Variants in ALPK2 observed in about 807,000 individuals in gnomAD.
The protein encoded by ALPK2 is alpha kinase 2.
ALPK2 carries 127 observed loss-of-function variants against 163.1 expected under a neutral mutation model. The observed-to-expected ratio is 0.78, with a 90% confidence interval of 0.67 to 0.90. The LOEUF is 0.90. Among genes scored for constraint, ALPK2 ranks in the 40% least tolerant of loss-of-function variants. The probability of loss-of-function intolerance (pLI) is 0.00; values close to 1 mark genes in which losing one functional copy is unlikely to be tolerated. For synonymous variants in ALPK2, 953 were observed against 959.1 expected, an observed-to-expected ratio of 0.99 and a Z score of 0.12; for missense variants, 2,360 against 2,589.6, an observed-to-expected ratio of 0.91 and a Z score of 1.92.
Position 58,560,653 on chromosome 18 carries a change from A to G in ALPK2, c.1962+18161T>C, listed in dbSNP as rs112773509. Among the ~76,000 whole-genome samples the G allele has an allele frequency of 5.5e-3, 845 of 152,352 alleles. 10 individuals are homozygous for G. The highest frequency in any genetic ancestry group is 0.018 in the African/African-American group (768 of 41,584). ...AGTCCCTTTTGCCATAATTCACTTC[A>G]GTAACATATTCACAGGTTCTGAGAA... On this transcript the variant is annotated intron_variant, in intron 4 of 12. Coordinates refer to ENST00000361673, the MANE Select transcript of ALPK2 (RefSeq NM_052947.4).
intron 4 of ALPK2, among the ~76,000 whole-genome samples, chr18:58,554,357 A>C (rs980253957): frequency 6.6e-6 from 1 of 152,196 alleles, no homozygotes; most frequent in Non-Finnish European, 1.5e-5. Flanking sequence ...CTCTGACTGC[A>C]GGGGTTTGGA....
intron 1 of ALPK2, among the ~76,000 whole-genome samples, chr18:58,628,315 A>G (rs1293617448): frequency 6.6e-6 from 1 of 152,232 alleles, no homozygotes; most frequent in African/African-American, 2.4e-5. Flanking sequence ...AATTCACAGT[A>G]AAAGGAATAA....
At chr18:58,529,052 G>C in intron 6 of ALPK2, 39 bp downstream of exon 6, 1 of 1,612,960 alleles carries the variant, frequency 6.2e-7, no homozygotes, top group Admixed American at 1.7e-5. Flanking sequence ...AAATAAACAA[G>C]CAACAACTGT....
At chr18:58,580,720 G>A in intron 3 of ALPK2, 172 bp from the exon 4 acceptor site, 1 of 637,662 alleles carries the variant, frequency 1.6e-6, no homozygotes, top group Non-Finnish European at 2.7e-6. Context: ...CTGGGCTCCG[G>A]TGCCCCTAGT....
intron 5 of ALPK2, among the ~76,000 whole-genome samples, chr18:58,532,691 T>TA (rs1365594557): frequency 1.3e-5 from 2 of 152,132 alleles, no homozygotes; most frequent in Non-Finnish European, 2.9e-5. Context: ...AACACTAATT[T>TA]AAAAAAACAG....
At chr18:58,628,676 G>A (rs1335663981) in intron 1 of ALPK2, 88 bp downstream of exon 1, 2 of 152,140 alleles carry the variant, frequency 1.3e-5, no homozygotes, top group Non-Finnish European at 2.9e-5. Flanking sequence ...GAAACCATCT[G>A]CTTTGTTCTT....
chr18:58,607,058 G>T (rs1413432148), intron 3 of ALPK2, among the ~76,000 whole-genome samples: 1 of 152,158 alleles, frequency 6.6e-6, no homozygotes, highest in African/African-American at 2.4e-5. Flanking sequence ...TTAATGGATG[G>T]CAATGGCTGG....
intron 4 of ALPK2, among the ~76,000 whole-genome samples, chr18:58,549,495 G>C (rs181099386): frequency 6.6e-6 from 1 of 152,328 alleles, no homozygotes; most frequent in Admixed American, 6.5e-5. Context: ...GAGAACCAAG[G>C]AGGAGGAAAC....
intron 6 of ALPK2, among the ~76,000 whole-genome samples, chr18:58,528,399 G>C (rs552385044): frequency 2.6e-4 from 40 of 152,206 alleles, no homozygotes; most frequent in Middle Eastern, 3.4e-3. Context: ...AGCCAAGCAT[G>C]GTGGTGTGCT....
chr18:58,607,247 C>T, intron 3 of ALPK2, 75 bp downstream of exon 3: 2 of 1,086,838 alleles, frequency 1.8e-6, no homozygotes, highest in South Asian at 3.8e-5. Context: ...ATCTTTTGGC[C>T]TTACCTCATA....
intron 4 of ALPK2, among the ~76,000 whole-genome samples, chr18:58,573,613 C>CTTTTTTTTTTTTTTTTTTTTTTTTGTTTT (rs778622176): frequency 1.9e-5 from 1 of 51,728 alleles, no homozygotes; most frequent in African/African-American, 7.8e-5. Flanking sequence ...TTTTTGTCTT[C>CTTTTTTTTTTTTTTTTTTTTTTTTGTTTT]TTTTTTTTTT....
intron 4 of ALPK2, among the ~76,000 whole-genome samples, chr18:58,559,500 T>C (rs761267527): frequency 6.6e-6 from 1 of 152,198 alleles, no homozygotes; most frequent in Admixed American, 6.5e-5. Context: ...CTCAGAAGAC[T>C]TTCTCCTGGA....
chr18:58,532,601 A>G (rs2051622003), intron 5 of ALPK2, among the ~76,000 whole-genome samples: 1 of 152,226 alleles, frequency 6.6e-6, no homozygotes, highest in African/African-American at 2.4e-5. Flanking sequence ...CTCAGACACA[A>G]TGATCTTTTG....
chr18:58,483,631 A>G (rs2051323035), intron 12 of ALPK2, among the ~76,000 whole-genome samples: 1 of 151,338 alleles, frequency 6.6e-6, no homozygotes, highest in Non-Finnish European at 1.5e-5. Context: ...GCTCATTGCA[A>G]CCTCCGCTTG....
intron 3 of ALPK2, among the ~76,000 whole-genome samples, chr18:58,592,710 T>C (rs925594606): frequency 2.0e-5 from 3 of 152,212 alleles, no homozygotes; most frequent in Non-Finnish European, 2.9e-5. Flanking sequence ...CGAGGACAAT[T>C]CGAAGCCGAT....
rs1313881443 is a variant in ALPK2 at position 58,516,943 on chromosome 18, C to T, written c.5905G>A (p.Glu1969Lys). The T allele has an allele frequency of 4.3e-6, 7 of 1,614,118 alleles. No individual in the cohort carries two copies. The highest frequency in any genetic ancestry group is 5.9e-6 in the Non-Finnish European group (7 of 1,180,012). The change falls in exon 9 of 13, where the codon GAG becomes AAG. Residue 1969 changes from glutamate (E) to lysine (K), a missense_variant. Transcript: ENST00000361673. The part of the protein sequence containing the change: ...AIAYGTRNND[E>K]LIQRNYKLAA... ...AGTTTGTAGTTCCTTTGGATGAGCT[C>T]ATCATTATTTCTGGTCCCATAGGCA...
At chr18:58,516,868 C>A in intron 9 of ALPK2, 40 bp downstream of exon 9, 1 of 1,594,844 alleles carries the variant, frequency 6.3e-7, no homozygotes, top group South Asian at 1.1e-5. Flanking sequence ...ATGGGTGGTT[C>A]TCACACCAGA....
At chr18:58,612,139 G>A (rs1178390504) in intron 1 of ALPK2, among the ~76,000 whole-genome samples, 1 of 152,136 alleles carries the variant, frequency 6.6e-6, no homozygotes, top group Non-Finnish European at 1.5e-5. Flanking sequence ...GGAATGGGGG[G>A]GTGCCCTGAT....
intron 12 of ALPK2, among the ~76,000 whole-genome samples, chr18:58,490,373 C>T (rs187167452): frequency 2.3e-4 from 35 of 152,302 alleles, no homozygotes; most frequent in Non-Finnish European, 3.4e-4. Context: ...AGGGGAGCCT[C>T]CAGGCAATTC....
Sources: gnomAD v4.1 joint callset for allele counts (sites outside exome capture counted in the v4.1 genomes callset) on GRCh38, gnomAD v4.1.1 for gene constraint, MANE v1.5 for transcripts, NCBI Gene and HGNC (gene_info 2026-07-23, HGNC 2026-07-21) for gene names.